ANKIB1: variants seen among roughly 807,000 people sequenced by gnomAD.
ANKIB1 encodes ankyrin repeat and IBR domain containing 1.
ANKIB1 carries 43 observed loss-of-function variants against 122.1 expected under a neutral mutation model. The ratio of observed to expected loss-of-function variants is 0.35; its 90% CI spans 0.28 to 0.45. The LOEUF is 0.45. Ranked by LOEUF, ANKIB1 falls within the 20% of genes least tolerant of loss-of-function variation. The pLI, the probability that ANKIB1 is intolerant of heterozygous loss-of-function variation, is 1.00. For synonymous variants in ANKIB1, 390 were observed against 442.0 expected (o/e 0.88, Z 1.48); for missense variants, 992 against 1,329.5 (o/e 0.75, Z 3.95).
At chr7:92,254,930 G>A (rs1410125696) in intron 1 of ANKIB1, among the ~76,000 whole-genome samples, 1 of 152,178 alleles carries the variant, frequency 6.6e-6, no homozygotes, top group Non-Finnish European at 1.5e-5. Flanking sequence ...TAGCATGAGG[G>A]CAGGTCTTTC....
At chr7:92,348,536 G>A (rs1803590793) in intron 7 of ANKIB1, among the ~76,000 whole-genome samples, 1 of 151,964 alleles carries the variant, frequency 6.6e-6, no homozygotes, top group Non-Finnish European at 1.5e-5. Flanking sequence ...CAGACACCCG[G>A]CACCATGCCA....
In ANKIB1 at chr7:92,343,063, A is replaced by G. The variant is rs765539705; in HGVS notation, c.827A>G (p.Asn276Ser). ...REKLLEAWMS[N>S]PENCCQRSGV... Reference sequence around the variant, plus strand: ...AAATTACTTGAAGCTTGGATGTCCAACCCGGAGAACTGCTGCCAACGATCA... The same window carrying G: ...AAATTACTTGAAGCTTGGATGTCCAGCCCGGAGAACTGCTGCCAACGATCA... Residue 276 changes from asparagine (N) to serine (S), a missense_variant, in exon 6 of 20, where the codon AAC becomes AGC. By Grantham distance (46) the Asn-to-Ser change is conservative (BLOSUM62 1). Coordinates refer to ENST00000265742, the MANE Select transcript of ANKIB1 (RefSeq NM_019004.2). The G allele has an allele frequency of 6.2e-7, 1 of 1,613,830 alleles. No homozygotes were observed. The highest frequency in any genetic ancestry group is 1.3e-5 in the African/African-American group (1 of 74,916).
intron 1 of ANKIB1, among the ~76,000 whole-genome samples, chr7:92,262,905 C>T (rs1352097311): frequency 6.6e-6 from 1 of 152,140 alleles, no homozygotes; most frequent in Non-Finnish European, 1.5e-5. Context: ...CACATTTTGT[C>T]ACCCTTACTT....
rs117286808 is a variant in ANKIB1 at position 92,388,305 on chromosome 7, T to A, written c.1906+264T>A. 5.3e-5 allele frequency among the ~76,000 whole-genome samples: 8 copies of A among 152,334 alleles called. No homozygotes were observed. In the East Asian group the frequency reaches 1.5e-3, roughly 29 times the overall value. ...ACTTCATGATTTTGCTTACTCTGTG[T>A]CACTGCTGATGCTCTACAATGTTGG... On this transcript the variant is annotated intron_variant, in intron 14 of 19. Transcript: ENST00000265742.
intron 6 of ANKIB1, among the ~76,000 whole-genome samples, chr7:92,343,905 A>AT (rs1175075080): frequency 1.2e-4 from 19 of 152,178 alleles, no homozygotes; most frequent in African/African-American, 4.6e-4. Context: ...CATTGTCAGC[A>AT]TTTTTAACTG....
chr7:92,276,262 C>T (rs1402080929), intron 1 of ANKIB1, among the ~76,000 whole-genome samples: 4 of 152,212 alleles, frequency 2.6e-5, no homozygotes, highest in Non-Finnish European at 4.4e-5. Flanking sequence ...AGTTGTACCT[C>T]CACCAGCAAT....
chr7:92,328,395 A>G (rs1207135040), intron 5 of ANKIB1, among the ~76,000 whole-genome samples: 1 of 152,126 alleles, frequency 6.6e-6, no homozygotes, highest in African/African-American at 2.4e-5. Flanking sequence ...TTGGAAATAT[A>G]TTGTCCCTTT....
At chr7:92,392,334 G>A in intron 17 of ANKIB1, 42 bp downstream of exon 17, 1 of 1,541,960 alleles carries the variant, frequency 6.5e-7, no homozygotes, top group Non-Finnish European at 8.9e-7. Flanking sequence ...TTTTTTCTTA[G>A]TGCAGTCGTG....
Position 92,396,382 on chromosome 7 carries a change from G to C in ANKIB1, c.2301G>C (p.Gln767His). Reference protein sequence around the residue: ...FASPEEYAEFQYRRRHRQRRR... With the variant: ...FASPEEYAEFHYRRRHRQRRR... ...TTATGCAGGAATATGCTGAATTTCA[G>C]TATCGGAGGAGGCACAGACAACGTC... Residue 767 changes from glutamine to histidine, a missense_variant, in exon 18 of 20, where the codon CAG (glutamine) becomes CAC (histidine). By Grantham distance (24) the Gln-to-His change is conservative. Coordinates refer to ENST00000265742, the MANE Select transcript of ANKIB1 (RefSeq NM_019004.2). 6.3e-7 allele frequency: 1 copy of C among 1,584,124 alleles called. No homozygotes were observed. The highest frequency in any genetic ancestry group is 1.2e-5 in the South Asian group (1 of 86,750).
At chr7:92,375,299 G>T (rs1212480990) in intron 11 of ANKIB1, among the ~76,000 whole-genome samples, 1 of 152,122 alleles carries the variant, frequency 6.6e-6, no homozygotes, top group Non-Finnish European at 1.5e-5. Context: ...TGCTGCTTCT[G>T]TTGACTGCCT....
chr7:92,396,184 T>C, intron 17 of ANKIB1, 181 bp from the exon 18 acceptor site: 1 of 583,398 alleles, frequency 1.7e-6, no homozygotes, highest in Non-Finnish European at 3.0e-6. Context: ...AAAACTTTCT[T>C]TTTCCATTTT....
Position 92,399,666 on chromosome 7 carries a change from A to C in ANKIB1, c.*717A>C, listed in dbSNP as rs932021898. On this transcript the variant is annotated 3_prime_UTR_variant, in exon 20 of 20. Transcript: ENST00000265742. Reference sequence around the variant, plus strand: ...GAGTAAAAGGTGCCACTTGGTAGCAATGATATTCCAGAATTAAATGGGTTT... The same window carrying C: ...GAGTAAAAGGTGCCACTTGGTAGCACTGATATTCCAGAATTAAATGGGTTT... The C allele has an allele frequency of 1.3e-5, 2 of 152,234 alleles. No homozygotes were observed. Among genetic ancestry groups the C allele is most frequent in the Non-Finnish European group, 2.9e-5 (2 of 68,048 alleles). The allele number at this position is 152,234 out of a possible 1,614,324, so 9.4% of individuals were successfully genotyped here.
At chr7:92,255,654 A>G (rs1332977561) in intron 1 of ANKIB1, among the ~76,000 whole-genome samples, 1 of 152,072 alleles carries the variant, frequency 6.6e-6, no homozygotes, top group Admixed American at 6.6e-5. Flanking sequence ...GTTCTTATGA[A>G]ATATATTTTT....
rs140817886 is a variant in ANKIB1 at position 92,272,523 on chromosome 7, G to A, written c.-90-22366G>A. 2.0e-5 allele frequency among the ~76,000 whole-genome samples: 3 copies of A among 152,262 alleles called. No homozygotes were observed. The East Asian group carries it at 5.8e-4, about 29-fold the overall frequency. ...ATAGTTCAAGAGGTAGGAAGATTTA[G>A]CCTAAGACTGTACAGCAGAACCAGA... On this transcript the variant is annotated intron_variant, in intron 1 of 19. Coordinates refer to ENST00000265742, the MANE Select transcript of ANKIB1 (RefSeq NM_019004.2).
intron 14 of ANKIB1, 92 bp downstream of exon 14, chr7:92,388,133 T>G (rs1804703696): frequency 8.6e-7 from 1 of 1,162,776 alleles, no homozygotes; most frequent in African/African-American, 1.5e-5. Flanking sequence ...AAGGAATACA[T>G]TATGTTCATT....
intron 1 of ANKIB1, among the ~76,000 whole-genome samples, chr7:92,277,863 C>G (rs1053227968): frequency 6.6e-6 from 1 of 152,104 alleles, no homozygotes; most frequent in Non-Finnish European, 1.5e-5. Flanking sequence ...ACAGGTGGAT[C>G]ACCTGAGGTC....
intron 11 of ANKIB1, among the ~76,000 whole-genome samples, chr7:92,372,198 C>T (rs1804282654): frequency 6.6e-6 from 1 of 151,844 alleles, no homozygotes; most frequent in Admixed American, 6.6e-5. Context: ...CAGCCAACCA[C>T]AGATCAAAAA....
At chr7:92,347,145 A>G (rs1019312218) in intron 7 of ANKIB1, among the ~76,000 whole-genome samples, 4 of 152,190 alleles carry the variant, frequency 2.6e-5, no homozygotes, top group African/African-American at 9.7e-5. Context: ...ATTCTTCCCA[A>G]ACTTTTTATT....
chr7:92,262,375 C>G (rs373553556), intron 1 of ANKIB1, among the ~76,000 whole-genome samples: 2 of 152,170 alleles, frequency 1.3e-5, no homozygotes, highest in East Asian at 1.9e-4. Context: ...TTAAGATACC[C>G]TGTAGGAAAA....
Sources: gnomAD v4.1 joint callset for allele counts (sites outside exome capture counted in the v4.1 genomes callset) on GRCh38, gnomAD v4.1.1 for gene constraint, MANE v1.5 for transcripts, NCBI Gene and HGNC (gene_info 2026-07-23, HGNC 2026-07-21) for gene names.